Variants in GFRA1 observed in about 807,000 individuals in gnomAD.
GFRA1 encodes GDNF family receptor alpha 1.
A neutral mutation model predicts 51.6 loss-of-function variants in GFRA1; 16 were observed. That is an observed-to-expected ratio of 0.31 (90% CI 0.21 to 0.47). The LOEUF is 0.47. GFRA1 is among the 20% of genes least tolerant of loss of function. The probability of loss-of-function intolerance (pLI) is 1.00; values close to 1 mark genes in which losing one functional copy is unlikely to be tolerated. For synonymous variants in GFRA1, 270 were observed against 241.3 expected, an observed-to-expected ratio of 1.12 and a Z score of -1.10; for missense variants, 530 against 594.3, an observed-to-expected ratio of 0.89 and a Z score of 1.13.
At chr10:116,256,216 G>A (rs1968841282) in intron 4 of GFRA1, among the ~76,000 whole-genome samples, 1 of 152,134 alleles carries the variant, frequency 6.6e-6, no homozygotes, top group Admixed American at 6.5e-5. Context: ...ACTAAGTGCT[G>A]GAACATGGAA....
chr10:116,070,114 CAG>C (rs577048855), intron 9 of GFRA1, among the ~76,000 whole-genome samples: 16 of 152,206 alleles, frequency 1.1e-4, no homozygotes, highest in Non-Finnish European at 1.9e-4. Flanking sequence ...CCAATAGCAA[CAG>C]ACTGTCCAGT....
intron 4 of GFRA1, among the ~76,000 whole-genome samples, chr10:116,219,388 T>G (rs965147102): frequency 6.6e-6 from 1 of 152,256 alleles, no homozygotes; most frequent in East Asian, 1.9e-4. Context: ...TAAAATGTTT[T>G]CTCTTAAATT....
chr10:116,258,525 T>C (rs1969068637), intron 4 of GFRA1, among the ~76,000 whole-genome samples: 1 of 150,728 alleles, frequency 6.6e-6, no homozygotes, highest in Non-Finnish European at 1.5e-5. Flanking sequence ...TATCCACATA[T>C]GTATCACTCA....
At chr10:116,164,321 C>T (rs1960146637) in intron 5 of GFRA1, among the ~76,000 whole-genome samples, 1 of 104,268 alleles carries the variant, frequency 9.6e-6, no homozygotes, top group Non-Finnish European at 2.2e-5. Context: ...CTGCATTTTC[C>T]TAAAAAAAAA....
At chr10:116,160,831 C>T (rs1279235948) in intron 5 of GFRA1, among the ~76,000 whole-genome samples, 4 of 152,216 alleles carry the variant, frequency 2.6e-5, no homozygotes, top group Admixed American at 1.3e-4. Context: ...CAATTCTATG[C>T]AAGCCAGTGT....
Position 116,185,561 on chromosome 10 carries a change from G to A in GFRA1, c.433+26070C>T, listed in dbSNP as rs532809444. 2.6e-5 allele frequency among the ~76,000 whole-genome samples: 4 copies of A among 152,098 alleles called. No individual in the cohort carries two copies. In the East Asian group the frequency reaches 5.8e-4, roughly 22 times the overall value. ...TGAGGCCAGGTGCCCCATAATCAAT[G>A]ACTGACTAGTGTTGGATTCAGAAGC... On this transcript the variant is annotated intron_variant, in intron 5 of 10. Transcript: ENST00000355422.
intron 4 of GFRA1, among the ~76,000 whole-genome samples, chr10:116,234,943 C>A (rs1966850471): frequency 6.6e-6 from 1 of 152,100 alleles, no homozygotes; most frequent in Non-Finnish European, 1.5e-5. Flanking sequence ...GCTTTTTCCC[C>A]TTTTGTTCAG....
chr10:116,163,136 A>G (rs1763634810), intron 5 of GFRA1, among the ~76,000 whole-genome samples: 1 of 152,210 alleles, frequency 6.6e-6, no homozygotes, highest in South Asian at 2.1e-4. Context: ...ACCTGTTCAT[A>G]AAGAAGGTCA....
chr10:116,270,677 C>T (rs933001673), intron 3 of GFRA1, 145 bp downstream of exon 3: 40 of 670,266 alleles, frequency 6.0e-5, no homozygotes, highest in Non-Finnish European at 1.0e-4. Flanking sequence ...ACACCAGCTG[C>T]CGTTGTCCCT....
chr10:116,084,863 A>G (rs1956023852), intron 9 of GFRA1, among the ~76,000 whole-genome samples: 1 of 150,948 alleles, frequency 6.6e-6, no homozygotes, highest in South Asian at 2.1e-4. Flanking sequence ...AGACCACTCC[A>G]GTGCACGGAA....
At chr10:116,108,239 A>G (rs1436958744) in intron 6 of GFRA1, among the ~76,000 whole-genome samples, 1 of 152,220 alleles carries the variant, frequency 6.6e-6, no homozygotes, top group Non-Finnish European at 1.5e-5. Flanking sequence ...TCTTTCAGGA[A>G]AGTTGTAGTA....
At chr10:116,065,687 C>T in intron 9 of GFRA1, 61 bp from the exon 10 acceptor site, 4 of 1,307,362 alleles carry the variant, frequency 3.1e-6, no homozygotes, top group East Asian at 4.7e-5. Flanking sequence ...TACTGATGAT[C>T]CATCAGTCAG....
intron 6 of GFRA1, among the ~76,000 whole-genome samples, chr10:116,115,086 T>C (rs569980856): frequency 5.8e-4 from 89 of 152,318 alleles, no homozygotes; most frequent in African/African-American, 1.9e-3. Flanking sequence ...CTTTTTCACA[T>C]TGATGGTTCT....
At chr10:116,126,691 C>T (rs554061293) in intron 5 of GFRA1, among the ~76,000 whole-genome samples, 4 of 152,304 alleles carry the variant, frequency 2.6e-5, no homozygotes, top group South Asian at 2.1e-4. Flanking sequence ...TGAGACACCC[C>T]GGCAAGTTCC....
chr10:116,223,633 C>T (rs1966079776), intron 4 of GFRA1, among the ~76,000 whole-genome samples: 1 of 152,114 alleles, frequency 6.6e-6, no homozygotes, highest in Non-Finnish European at 1.5e-5. Context: ...AAAACCTTGG[C>T]GGCTGTACAC....
intron 6 of GFRA1, among the ~76,000 whole-genome samples, chr10:116,097,588 T>C (rs1026548035): frequency 6.6e-6 from 1 of 152,136 alleles, no homozygotes; most frequent in Non-Finnish European, 1.5e-5. Context: ...AACTGGCTGT[T>C]TTTCCATCTG....
At chr10:116,091,815 G>C (rs1956349369) in intron 8 of GFRA1, among the ~76,000 whole-genome samples, 1 of 152,130 alleles carries the variant, frequency 6.6e-6, no homozygotes, top group Non-Finnish European at 1.5e-5. Flanking sequence ...AGTGGAAATG[G>C]AATGACTGTG....
At chr10:116,133,308 C>T (rs1200561917) in intron 5 of GFRA1, among the ~76,000 whole-genome samples, 1 of 151,988 alleles carries the variant, frequency 6.6e-6, no homozygotes, top group African/African-American at 2.4e-5. Context: ...CTTTCTTTAC[C>T]ATCATTCTAA....
intron 4 of GFRA1, among the ~76,000 whole-genome samples, chr10:116,257,988 T>A (rs1007387580): frequency 6.6e-6 from 1 of 152,110 alleles, no homozygotes; most frequent in African/African-American, 2.4e-5. Context: ...CTCCTATCCA[T>A]TCCACAAAAG....
Sources: allele counts gnomAD v4.1 joint callset (sites outside exome capture counted in the v4.1 genomes callset), GRCh38; gene constraint gnomAD v4.1.1; transcripts MANE v1.5; gene names NCBI Gene and HGNC (gene_info 2026-07-23, HGNC 2026-07-21).